The following TBC1D5 variants were observed in gnomAD, a reference collection of about 807,000 sequenced individuals.
The protein encoded by TBC1D5 is TBC1 domain family member 5.
TBC1D5 carries 75 observed loss-of-function variants against 100.3 expected under a neutral mutation model. The observed-to-expected ratio is 0.75, with a 90% CI of 0.62 to 0.91. TBC1D5 has a LOEUF of 0.91. TBC1D5 is among the 40% of genes least tolerant of loss of function. The pLI is 0.00. For synonymous variants in TBC1D5, 323 were observed against 325.6 expected, an observed-to-expected ratio of 0.99 and a Z score of 0.09; for missense variants, 910 against 942.4, an observed-to-expected ratio of 0.97 and a Z score of 0.45.
chr3:17,458,094 C>T (rs756508268), intron 3 of TBC1D5, among the ~76,000 whole-genome samples: 19 of 152,158 alleles, frequency 1.2e-4, no homozygotes, highest in Admixed American at 4.6e-4. Context: ...GAGTAAGAAA[C>T]GGAGGAAGGT....
At chr3:17,496,329 A>G (rs1274010220) in intron 3 of TBC1D5, among the ~76,000 whole-genome samples, 1 of 152,212 alleles carries the variant, frequency 6.6e-6, no homozygotes, top group Non-Finnish European at 1.5e-5. Flanking sequence ...GAAGAGCATT[A>G]AACACATTGT....
exon 22 of TBC1D5, chr3:17,159,426 C>T (rs1046227739): frequency 4.6e-5 from 7 of 152,214 alleles, no homozygotes; most frequent in Non-Finnish European, 1.0e-4. Flanking sequence ...CATTTGTTAC[C>T]ATGAAGGCCT....
chr3:17,677,174 C>A (rs545795290), intron 1 of TBC1D5, among the ~76,000 whole-genome samples: 2 of 152,238 alleles, frequency 1.3e-5, no homozygotes, highest in African/African-American at 2.4e-5. Context: ...AACTAAAGAG[C>A]TTCTGCACAG....
At position 17,321,491 on chromosome 3, in the gene TBC1D5, C is replaced by T. The variant is rs138456663; in HGVS notation, c.996-13357G>A. On this transcript the variant is annotated intron_variant, in intron 13 of 21. Coordinates refer to ENST00000253692, the Ensembl canonical transcript of TBC1D5. ...AACTGCTTTTAGTTTTAACTGCTTC[C>T]TTTATTTATTTTGCTGTTATTTTTA... Among the ~76,000 whole-genome samples the T allele has an allele frequency of 5.0e-3, 765 of 152,110 alleles. 3 individuals are homozygous for T. Among genetic ancestry groups the T allele is most frequent in the Non-Finnish European group, 7.9e-3 (537 of 67,984 alleles).
intron 1 of TBC1D5, among the ~76,000 whole-genome samples, chr3:17,657,352 G>C (rs531574522): frequency 7.3e-6 from 1 of 137,398 alleles, no homozygotes; most frequent in Non-Finnish European, 1.5e-5. Context: ...TTTTTTTTGC[G>C]GGGGGACAGA....
At chr3:17,584,802 G>A (rs145281254) in intron 2 of TBC1D5, among the ~76,000 whole-genome samples, 11 of 152,178 alleles carry the variant, frequency 7.2e-5, no homozygotes, top group Non-Finnish European at 1.6e-4. Flanking sequence ...GATTACAGGT[G>A]CCTGACATGA....
At chr3:17,495,777 T>C (rs1341541840) in intron 3 of TBC1D5, among the ~76,000 whole-genome samples, 11 of 152,208 alleles carry the variant, frequency 7.2e-5, no homozygotes, top group Non-Finnish European at 1.5e-4. Flanking sequence ...TTATAACTTT[T>C]TGTTTCCCAC....
intron 1 of TBC1D5, among the ~76,000 whole-genome samples, chr3:17,713,527 C>T (rs1431274313): frequency 2.0e-5 from 3 of 152,186 alleles, no homozygotes; most frequent in Non-Finnish European, 2.9e-5. Context: ...CAGGCATGAG[C>T]CACTGTGCCC....
intron 3 of TBC1D5, among the ~76,000 whole-genome samples, chr3:17,451,361 A>T (rs1249518809): frequency 6.6e-6 from 1 of 152,228 alleles, no homozygotes; most frequent in Non-Finnish European, 1.5e-5. Context: ...GACACTTCAC[A>T]AAAGAAAACA....
intron 19 of TBC1D5, among the ~76,000 whole-genome samples, chr3:17,168,529 T>TC (rs1188508907): frequency 6.6e-6 from 1 of 152,166 alleles, no homozygotes; most frequent in Non-Finnish European, 1.5e-5. Flanking sequence ...TCCTTAGCTT[T>TC]CCCTGCTTTC....
chr3:17,304,388 A>G (rs2150448153), intron 14 of TBC1D5, among the ~76,000 whole-genome samples: 1 of 152,220 alleles, frequency 6.6e-6, no homozygotes, highest in Non-Finnish European at 1.5e-5. Flanking sequence ...CAAAACAAAG[A>G]AGATATTTTC....
intron 18 of TBC1D5, among the ~76,000 whole-genome samples, chr3:17,195,809 A>T (rs989354563): frequency 6.6e-6 from 1 of 152,132 alleles, no homozygotes; most frequent in South Asian, 2.1e-4. Context: ...CTGGAAAGAA[A>T]AAAAGGTGAG....
intron 1 of TBC1D5, among the ~76,000 whole-genome samples, chr3:17,711,508 T>G (rs899553514): frequency 1.3e-5 from 2 of 152,180 alleles, no homozygotes; most frequent in African/African-American, 4.8e-5. Context: ...TTTATCTTAA[T>G]CATACCCTTT....
At chr3:17,340,061 G>T (rs2151377709) in intron 13 of TBC1D5, among the ~76,000 whole-genome samples, 1 of 152,270 alleles carries the variant, frequency 6.6e-6, no homozygotes, top group African/African-American at 2.4e-5. Context: ...GAAGCTAGAA[G>T]AATGGTAAAC....
At chr3:17,275,239 C>G (rs1430661651) in intron 15 of TBC1D5, among the ~76,000 whole-genome samples, 3 of 152,070 alleles carry the variant, frequency 2.0e-5, no homozygotes, top group Admixed American at 6.5e-5. Flanking sequence ...GTATACAAAG[C>G]CTTCCTCAAA....
At chr3:17,563,459 G>A (rs989618362) in intron 2 of TBC1D5, among the ~76,000 whole-genome samples, 1 of 152,004 alleles carries the variant, frequency 6.6e-6, no homozygotes. Context: ...AAATCAGGAA[G>A]GTATAATATC....
chr3:17,574,264 C>G (rs2096644451), intron 2 of TBC1D5, among the ~76,000 whole-genome samples: 1 of 152,000 alleles, frequency 6.6e-6, no homozygotes, highest in Non-Finnish European at 1.5e-5. Flanking sequence ...CTTCCATTGC[C>G]TCCAAATTAA....
intron 1 of TBC1D5, among the ~76,000 whole-genome samples, chr3:17,713,971 G>A (rs2075001275): frequency 6.6e-6 from 1 of 152,150 alleles, no homozygotes. Context: ...CCAAATAAAT[G>A]TTGAATCAAG....
At chr3:17,253,090 C>G (rs1348691164) in intron 16 of TBC1D5, among the ~76,000 whole-genome samples, 2 of 152,170 alleles carry the variant, frequency 1.3e-5, no homozygotes, top group Non-Finnish European at 2.9e-5. Flanking sequence ...ACCTAAAAAG[C>G]ATTATAAGAT....
Sources: gnomAD v4.1 joint callset for allele counts (sites outside exome capture counted in the v4.1 genomes callset) on GRCh38, gnomAD v4.1.1 for gene constraint, MANE v1.5 for transcripts, NCBI Gene and HGNC (gene_info 2026-07-23, HGNC 2026-07-21) for gene names.